Variants in ZNF431 observed in about 807,000 individuals in gnomAD.
ZNF431 encodes zinc finger protein 431.
ZNF431 carries 34 observed loss-of-function variants against 57.0 expected under a neutral mutation model. The observed-to-expected ratio is 0.60, with a 90% CI of 0.45 to 0.79. The LOEUF (loss-of-function observed/expected upper bound fraction) is 0.79, where lower values mean the gene tolerates loss of function less well. Ranked by LOEUF, ZNF431 falls within the 30% of genes least tolerant of loss-of-function variation. The pLI, the probability that ZNF431 is intolerant of heterozygous loss-of-function variation, is 0.00. For missense variants in ZNF431, 607 were observed against 667.1 expected (o/e 0.91, Z 0.99); for synonymous variants, 207 against 220.3 (o/e 0.94, Z 0.54).
intron 2 of ZNF431, among the ~76,000 whole-genome samples, chr19:21,157,266 T>C (rs1231332731): frequency 2.6e-5 from 4 of 152,164 alleles, no homozygotes; most frequent in Non-Finnish European, 1.5e-5. Flanking sequence ...GCCTCCCATG[T>C]AGCTGGGACT....
At chr19:21,162,144 TTGTGTG>T (rs749424799) in intron 2 of ZNF431, among the ~76,000 whole-genome samples, 1,669 of 66,106 alleles carry the variant, frequency 0.025, 21 homozygotes, top group African/African-American at 0.034. Context: ...ATCCAGCTAA[TTGTGTG>T]TGTGTGTGTG....
chr19:21,157,212 A>G (rs1287328431), intron 2 of ZNF431, among the ~76,000 whole-genome samples: 2 of 152,114 alleles, frequency 1.3e-5, no homozygotes, highest in Non-Finnish European at 2.9e-5. Context: ...GTCTCACCTC[A>G]CTGCAACCTC....
At chr19:21,151,044 A>G (rs1405126741) in intron 2 of ZNF431, 1 of 151,068 alleles carries the variant, frequency 6.6e-6, no homozygotes, top group Admixed American at 6.6e-5. Flanking sequence ...TTTTAACCAC[A>G]GTGCTTTTTT....
At chr19:21,179,286 T>G (rs906405275) in intron 4 of ZNF431, among the ~76,000 whole-genome samples, 2 of 152,176 alleles carry the variant, frequency 1.3e-5, no homozygotes, top group African/African-American at 4.8e-5. Context: ...CAGTCTATTT[T>G]ATTAGTTTTG....
At position 21,149,972 on chromosome 19, in the gene ZNF431, G is replaced by T. The variant is rs1045087533; in HGVS notation, c.96+6329G>T. ...CAGCTTGATGGGATCCACATCATGC[G>T]CAATCACCACCAGCTGAACTTTCTT... is the stretch of plus-strand genomic sequence containing the variant. On this transcript the variant is annotated intron_variant, in intron 2 of 4. Transcript: ENST00000311048. The T allele has an allele frequency of 5.1e-6, 3 of 588,300 alleles. No individual in the cohort carries two copies. The Admixed American group carries it at 7.0e-5, about 14-fold the overall frequency. The allele number at this position is 588,300 out of a possible 1,614,324, so 36.4% of individuals were successfully genotyped here.
Position 21,189,209 on chromosome 19 carries a change from A to G in ZNF431, c.*5175A>G, listed in dbSNP as rs1357409848. 6.6e-6 allele frequency: 1 copy of G among 152,162 alleles called. No homozygotes were observed. The highest frequency in any genetic ancestry group is 1.5e-5 in the Non-Finnish European group (1 of 68,040). 9.4% of individuals were successfully genotyped at this position (152,162 alleles called of 1,614,324 possible). A position where few individuals can be genotyped will look rare whatever the true frequency, so the allele number is the denominator to read the frequency against. ...TAATAATTTATCTCACATTGGTCAG[A>G]CATGATGGCTCATGCTTGTAATCCC... On this transcript the variant is annotated 3_prime_UTR_variant, in exon 5 of 5. Coordinates refer to ENST00000311048, the MANE Select transcript of ZNF431 (RefSeq NM_133473.4).
rs777687006 is a variant in ZNF431 at position 21,189,079 on chromosome 19, CTA to C, written c.*5047_*5048del. 1.4e-4 allele frequency: 22 copies of C among 152,186 alleles called. No homozygotes were observed. The East Asian group carries it at 2.9e-3, about 20-fold the overall frequency. 9.4% of individuals were successfully genotyped at this position (152,186 alleles called of 1,614,324 possible). A position where few individuals can be genotyped will look rare whatever the true frequency, so the allele number is the denominator to read the frequency against. ...CAGTATTTGACACATTGTTATTCTT[CTA>C]TGTTTTATAAATATTTTAATGTGAC... On this transcript the variant is annotated 3_prime_UTR_variant, in exon 5 of 5. Coordinates refer to ENST00000311048, the MANE Select transcript of ZNF431 (RefSeq NM_133473.4).
intron 3 of ZNF431, among the ~76,000 whole-genome samples, chr19:21,167,164 C>CTT (rs781098845): frequency 2.1e-5 from 3 of 142,450 alleles, no homozygotes; most frequent in Non-Finnish European, 3.1e-5. Context: ...GGCTAAAACA[C>CTT]TTTTTTTTTT....
At chr19:21,169,892 C>T in intron 4 of ZNF431, 1 of 398,544 alleles carries the variant, frequency 2.5e-6, no homozygotes. Flanking sequence ...GGTCTGTAAA[C>T]CTGTCTGCAT....
chr19:21,158,631 T>C (rs10407190), intron 2 of ZNF431, among the ~76,000 whole-genome samples: 117,399 of 151,870 alleles, frequency 0.77, 45,803 homozygotes, highest in Middle Eastern at 0.87. Flanking sequence ...ATTTGGCTTT[T>C]GGCTTGGATG....
chr19:21,145,367 C>T (rs1970054389), intron 2 of ZNF431, among the ~76,000 whole-genome samples: 1 of 152,164 alleles, frequency 6.6e-6, no homozygotes, highest in African/African-American at 2.4e-5. Context: ...TCCCAGCTTA[C>T]TCGGGAGGCT....
At chr19:21,142,730 C>T (rs2144909833) in intron 1 of ZNF431, among the ~76,000 whole-genome samples, 1 of 152,072 alleles carries the variant, frequency 6.6e-6, no homozygotes, top group East Asian at 1.9e-4. Context: ...TGAAGAAAAC[C>T]AAATTCAGTA....
chr19:21,167,370 G>T (rs968613633), intron 3 of ZNF431, among the ~76,000 whole-genome samples: 15 of 151,994 alleles, frequency 9.9e-5, no homozygotes, highest in Admixed American at 5.2e-4. Flanking sequence ...TGTTGGACAG[G>T]TTGGTCTCAA....
rs1486997982 is a variant in ZNF431, at chr19:21,194,446, T to A, written c.*10412T>A. ...CCTAGAGCAGCCTACAAAATAAGTT[T>A]TTGTTTTTTTATCAAAATGTCGATT... On this transcript the variant is annotated 3_prime_UTR_variant, in exon 5 of 5. Transcript: ENST00000311048. The A allele has an allele frequency of 6.6e-6, 1 of 152,128 alleles. No homozygotes were observed. Among genetic ancestry groups the A allele is most frequent in the African/African-American group, 2.4e-5 (1 of 41,436 alleles). 9.4% of individuals were successfully genotyped at this position (152,128 alleles called of 1,614,324 possible). A position where few individuals can be genotyped will look rare whatever the true frequency, so the allele number is the denominator to read the frequency against.
At chr19:21,164,071 C>T (rs1376184158) in intron 2 of ZNF431, among the ~76,000 whole-genome samples, 2 of 99,232 alleles carry the variant, frequency 2.0e-5, no homozygotes, top group African/African-American at 4.4e-5. Context: ...GAGCGTGAAA[C>T]TCCATCTCAA....
At chr19:21,175,218 GT>G (rs1311885402) in intron 4 of ZNF431, among the ~76,000 whole-genome samples, 2 of 152,056 alleles carry the variant, frequency 1.3e-5, no homozygotes, top group Non-Finnish European at 2.9e-5. Context: ...AACCGAGATA[GT>G]TTTTTGTACT....
chr19:21,172,166 T>C (rs536323204), intron 4 of ZNF431, among the ~76,000 whole-genome samples: 10 of 151,804 alleles, frequency 6.6e-5, no homozygotes, highest in African/African-American at 2.2e-4. Context: ...CGGTGGCTCA[T>C]GCCTATAATC....
intron 2 of ZNF431, 80 bp downstream of exon 2, chr19:21,143,723 C>G (rs975568581): frequency 1.3e-5 from 13 of 1,002,146 alleles, no homozygotes; most frequent in Non-Finnish European, 2.0e-5. Context: ...TCAGCCAGTC[C>G]GATGCTGGCA....
chr19:21,182,579 A>T, intron 4 of ZNF431, 44 bp from the exon 5 acceptor site: 6 of 1,532,086 alleles, frequency 3.9e-6, no homozygotes, highest in Non-Finnish European at 5.2e-6. Flanking sequence ...TATGTTTATC[A>T]GAGTCTAGTA....
Sources: gnomAD v4.1 joint callset for allele counts (sites outside exome capture counted in the v4.1 genomes callset) on GRCh38, gnomAD v4.1.1 for gene constraint, MANE v1.5 for transcripts, NCBI Gene and HGNC (gene_info 2026-07-23, HGNC 2026-07-21) for gene names.